ARMC5: variants seen among roughly 807,000 people sequenced by gnomAD.
ARMC5 encodes the protein armadillo repeat-containing protein 5.
A neutral mutation model predicts 60.5 loss-of-function variants in ARMC5; 28 were observed. The ratio of observed to expected loss-of-function variants is 0.46; its 90% CI spans 0.34 to 0.63. ARMC5 has a LOEUF of 0.63. ARMC5 is among the 30% of genes least tolerant of loss of function. ARMC5 has a pLI of 0.01. For synonymous variants in ARMC5, 680 were observed against 607.3 expected, an observed-to-expected ratio of 1.12 and a Z score of -1.76; for missense variants, 1,189 against 1,304.9, an observed-to-expected ratio of 0.91 and a Z score of 1.37.
In ARMC5 at chr16:31,465,715, G is replaced by T. The variant is rs910290852; in HGVS notation, c.1865-135G>T. ...TCAGGTTCCCAGCGTCCCGAGCCCAGCACTGTCTCTTCAGTGCCCTGATTT... is the reference window on the plus strand; with the variant it reads ...TCAGGTTCCCAGCGTCCCGAGCCCATCACTGTCTCTTCAGTGCCCTGATTT... On this transcript the variant is annotated intron_variant, in intron 4 of 5. Coordinates refer to ENST00000268314, the MANE Select transcript of ARMC5 (RefSeq NM_001105247.2). 76 of 1,504,950 alleles carry T rather than the reference G, an allele frequency of 5.1e-5. 1 individual carries two copies. In the South Asian group the frequency reaches 8.1e-4, roughly 16 times the overall value. 93.2% of individuals were successfully genotyped at this position (1,504,950 alleles called of 1,614,324 possible).
chr16:31,464,291 T>TAA lies in ARMC5; in HGVS notation c.1371-103_1371-102insAA. 1 of 950,824 alleles carries TAA rather than the reference T, an allele frequency of 1.1e-6. No individual in the cohort carries two copies. Among genetic ancestry groups the TAA allele is most frequent in the Non-Finnish European group, 1.4e-6 (1 of 694,750 alleles). The allele number at this position is 950,824 out of a possible 1,614,324, so 58.9% of individuals were successfully genotyped here. A position where few individuals can be genotyped will look rare whatever the true frequency, so the allele number is the denominator to read the frequency against. On this transcript the variant is annotated intron_variant, in intron 3 of 5. Coordinates refer to ENST00000268314, the MANE Select transcript of ARMC5 (RefSeq NM_001105247.2). This position sits in a 1 kb window ranked among gnomAD's most constrained non-coding sequence, Gnocchi z 7.6. ...GGCTATAGAGGGATACCACATTTCTTTAAAAAAAAAAAAAAAAAAAAAAAA... is the reference window on the plus strand; with the variant it reads ...GGCTATAGAGGGATACCACATTTCTTAATAAAAAAAAAAAAAAAAAAAAAAAA...
chr16:31,459,144 C>G, upstream of ARMC5: 3 of 1,496,744 alleles, frequency 2.0e-6, no homozygotes, highest in Non-Finnish European at 1.8e-6. Context: ...AAAGGCGGTC[C>G]CCGCCGAGTG....
At position 31,466,902 on chromosome 16, in the gene ARMC5, C is replaced by A; in HGVS notation, c.*13C>A. ...GGTCCCTGCCTAGACTGTTGACGTC[C>A]CCTGGGAAGGGGACCCAAGGATGAA... is the stretch of plus-strand genomic sequence containing the variant. On this transcript the variant is annotated 3_prime_UTR_variant, in exon 6 of 6. Coordinates refer to ENST00000268314, the MANE Select transcript of ARMC5 (RefSeq NM_001105247.2). This position sits in a 1 kb window ranked among gnomAD's most constrained non-coding sequence, Gnocchi z 8.0. 1 of 1,509,846 alleles carries A rather than the reference C, an allele frequency of 6.6e-7. No individual in the cohort carries two copies. Among genetic ancestry groups the A allele is most frequent in the Non-Finnish European group, 8.8e-7 (1 of 1,131,482 alleles). 93.5% of individuals were successfully genotyped at this position (1,509,846 alleles called of 1,614,324 possible). A position where few individuals can be genotyped will look rare whatever the true frequency, so the allele number is the denominator to read the frequency against.
chr16:31,462,676 C>T lies in ARMC5; in HGVS notation c.1129C>T (p.Leu377=), dbSNP rs2082314908. 4.3e-6 allele frequency: 7 copies of T among 1,613,772 alleles called. No homozygotes were observed. Among genetic ancestry groups the T allele is most frequent in the Non-Finnish European group, 5.9e-6 (7 of 1,180,030 alleles). The part of the protein sequence containing the change: ...DAGGLDLLMG[L]LRDPRASAWH... Reference sequence around the variant, plus strand: ...TGGTGGCTTGGATCTACTGATGGGCCTGCTGCGGGACCCTCGTGCAAGCGC... The same window carrying T: ...TGGTGGCTTGGATCTACTGATGGGCTTGCTGCGGGACCCTCGTGCAAGCGC... The change falls in exon 3 of 6, where the codon CTG becomes TTG. Residue 377 remains leucine (L), a synonymous_variant. Transcript: ENST00000268314. This position sits in a 1 kb window ranked among gnomAD's most constrained non-coding sequence, Gnocchi z 7.2.
At chr16:31,461,375 AC>A (rs1342557781) in intron 1 of ARMC5, among the ~76,000 whole-genome samples, 2 of 152,116 alleles carry the variant, frequency 1.3e-5, no homozygotes. Flanking sequence ...CCTTTCACAG[AC>A]ACTGTATCTT....
Position 31,459,790 on chromosome 16 carries a change from C to G in ARMC5, c.266C>G (p.Pro89Arg). 2.6e-6 allele frequency: 4 copies of G among 1,539,078 alleles called. No individual in the cohort carries two copies. Among genetic ancestry groups the G allele is most frequent in the Non-Finnish European group, 3.5e-6 (4 of 1,149,010 alleles). The change falls in exon 1 of 6, where the codon CCC (proline) becomes CGC (arginine). Residue 89 changes from proline to arginine, a missense_variant. By Grantham distance (103) the Pro-to-Arg change is moderately radical. Transcript: ENST00000268314. ...AAGSAPSQAG[P>R]GSAPSSAASG... ...GGTTCCGCCCCGTCCCAGGCAGGCC[C>G]CGGCTCCGCCCCCTCGTCGGCCGCG...
chr16:31,460,228 T>A (rs2082293019), intron 1 of ARMC5: 1 of 525,660 alleles, frequency 1.9e-6, no homozygotes, highest in Admixed American at 4.2e-5. Flanking sequence ...AGGAATTGGT[T>A]GTTGAGGACT....
chr16:31,459,391 A>G (rs1212335506), upstream of ARMC5: 9 of 1,536,974 alleles, frequency 5.9e-6, no homozygotes, highest in Non-Finnish European at 7.8e-6. Context: ...CGAGAACTAC[A>G]ACTTCCGACT....
rs754286092 is a variant in ARMC5 at position 31,459,688 on chromosome 16, C to T, written c.164C>T (p.Ala55Val). 1.3e-6 allele frequency: 2 copies of T among 1,570,874 alleles called. No individual in the cohort carries two copies. Among genetic ancestry groups the T allele is most frequent in the Non-Finnish European group, 1.7e-6 (2 of 1,168,720 alleles). The change falls in exon 1 of 6, where the codon GCG becomes GTG. Residue 55 changes from alanine to valine, a missense_variant. Around this residue, in one of 2 missense-constraint regions of ARMC5, gnomAD observed 327 missense variants for 233.7 expected, o/e 1.40. Coordinates refer to ENST00000268314, the MANE Select transcript of ARMC5 (RefSeq NM_001105247.2). The part of the protein sequence containing the change: ...LALRTRHIKA[A>V]GGIERFRARG... ...CTCCGCACGCGCCACATCAAGGCAG[C>T]GGGGGGAATCGAGCGCTTCCGGGCA... is the stretch of plus-strand genomic sequence containing the variant.
chr16:31,463,203 G>A (rs1198482173), intron 3 of ARMC5, among the ~76,000 whole-genome samples: 1 of 151,794 alleles, frequency 6.6e-6, no homozygotes, highest in Non-Finnish European at 1.5e-5. Context: ...GGTTCAAGCA[G>A]TTCTCCTGCC....
intron 4 of ARMC5, chr16:31,465,573 A>T: frequency 8.0e-7 from 1 of 1,255,170 alleles, no homozygotes; most frequent in East Asian, 2.8e-5. Flanking sequence ...ATTGTATTAT[A>T]CTGGAACAGC....
At chr16:31,465,640 G>T in intron 4 of ARMC5, 2 of 1,413,242 alleles carry the variant, frequency 1.4e-6, no homozygotes, top group Non-Finnish European at 1.8e-6. Flanking sequence ...ACACTTCAGG[G>T]GCCCAGACTT....
upstream of ARMC5, chr16:31,459,077 C>T (rs921579816): frequency 1.1e-5 from 16 of 1,490,460 alleles, no homozygotes; most frequent in African/African-American, 2.8e-5. Flanking sequence ...TCTCGGAGTC[C>T]GTCCCAAGGC....
chr16:31,458,766 C>A, upstream of ARMC5: 1 of 1,494,114 alleles, frequency 6.7e-7, no homozygotes, highest in African/African-American at 1.4e-5. Context: ...ATGTCCCGCT[C>A]CCCCGCCGCC....
chr16:31,467,020 T>A lies in ARMC5; in HGVS notation c.*131T>A, dbSNP rs2082367563. 8.4e-7 allele frequency: 1 copy of A among 1,193,442 alleles called. No homozygotes were observed. The highest frequency in any genetic ancestry group is 3.6e-5 in the Admixed American group (1 of 27,890). 73.9% of individuals were successfully genotyped at this position (1,193,442 alleles called of 1,614,324 possible). ...GAGCGGTGAGAACATGGAACCGGAC[T>A]CCAAGATGACGATCTAAAGACCCGG... is the stretch of plus-strand genomic sequence containing the variant. On this transcript the variant is annotated 3_prime_UTR_variant, in exon 6 of 6. Transcript: ENST00000268314.
At chr16:31,458,749 G>C, upstream of ARMC5, 1 of 1,479,434 alleles carries the variant, frequency 6.8e-7, no homozygotes, top group South Asian at 1.3e-5. Flanking sequence ...GGCTCCCCGG[G>C]ACGCGAATGT....
At position 31,464,507 on chromosome 16, in the gene ARMC5, C is replaced by G; in HGVS notation, c.1484C>G (p.Pro495Arg). Reference protein sequence around the residue: ...PMEPASPAPTPTSLRAPRTQR... With the variant: ...PMEPASPAPTRTSLRAPRTQR... ...GAGCCGGCCAGCCCCGCCCCGACCC[C>G]GACCTCGCTGCGGGCACCACGCACC... Residue 495 changes from proline (P) to arginine (R), a missense_variant, in exon 4 of 6, where the codon CCG becomes CGG. By Grantham distance (103) the Pro-to-Arg change is moderately radical. This residue lies in a region of ARMC5 where 862 missense variants were observed against 1,071.2 expected (regional missense o/e 0.80). Coordinates refer to ENST00000268314, the MANE Select transcript of ARMC5 (RefSeq NM_001105247.2). This position sits in a 1 kb window ranked among gnomAD's most constrained non-coding sequence, Gnocchi z 7.6. 1 of 1,606,184 alleles carries G rather than the reference C, an allele frequency of 6.2e-7. No individual in the cohort carries two copies. The highest frequency in any genetic ancestry group is 8.5e-7 in the Non-Finnish European group (1 of 1,176,958).
intron 4 of ARMC5, chr16:31,465,213 C>G: frequency 1.3e-6 from 2 of 1,562,070 alleles, no homozygotes; most frequent in South Asian, 1.2e-5. Flanking sequence ...TGCTCCCCAC[C>G]AGCACGCTGA....
At chr16:31,458,378 C>T, upstream of ARMC5, 1 of 1,534,464 alleles carries the variant, frequency 6.5e-7, no homozygotes, top group African/African-American at 1.4e-5. Context: ...ACACTAGGCA[C>T]AGGCATAGGG....
Sources: gnomAD v4.1 joint callset for allele counts (sites outside exome capture counted in the v4.1 genomes callset) on GRCh38, gnomAD v4.1.1 for gene constraint, gnomAD v4.1.1 regional missense constraint, Gnocchi (gnomAD v3.1) non-coding constraint, MANE v1.5 for transcripts, NCBI Gene and HGNC (gene_info 2026-07-23, HGNC 2026-07-21) for gene names.